FOXP4: variants seen among roughly 807,000 people sequenced by gnomAD.
FOXP4 encodes forkhead box protein P4.
A neutral mutation model predicts 82.6 loss-of-function variants in FOXP4; 25 were observed. That is an observed-to-expected ratio of 0.30 (90% CI 0.22 to 0.42). The LOEUF (loss-of-function observed/expected upper bound fraction) is 0.42, where lower values mean the gene tolerates loss of function less well. FOXP4 is among the 10% of genes least tolerant of loss of function. FOXP4 has a pLI of 1.00. For missense variants in FOXP4, 785 were observed against 900.9 expected, an observed-to-expected ratio of 0.87 and a Z score of 1.65; for synonymous variants, 415 against 388.2, an observed-to-expected ratio of 1.07 and a Z score of -0.81.
chr6:41,576,416 C>A (rs1469431154), intron 2 of FOXP4, among the ~76,000 whole-genome samples: 2 of 152,156 alleles, frequency 1.3e-5, no homozygotes, highest in Admixed American at 1.3e-4. Context: ...ACTCTCTTTG[C>A]TTGTTGAGCG....
At chr6:41,584,303 A>G (rs1019355869) in intron 3 of FOXP4, among the ~76,000 whole-genome samples, 1 of 152,172 alleles carries the variant, frequency 6.6e-6, no homozygotes, top group Non-Finnish European at 1.5e-5. Flanking sequence ...AGCCAGGCCT[A>G]CCTTGCAGGA....
chr6:41,590,280 A>G lies in FOXP4; in HGVS notation c.1367A>G (p.Gln456Arg). 1.2e-6 allele frequency: 2 copies of G among 1,614,038 alleles called. No individual in the cohort carries two copies. Among genetic ancestry groups the G allele is most frequent in the Non-Finnish European group, 1.7e-6 (2 of 1,179,982 alleles). Reference protein sequence around the residue: ...FCSPISSELAQNHEFYKNADV... With the variant: ...FCSPISSELARNHEFYKNADV... Reference sequence around the variant, plus strand: ...CTGCCTGTCTCCCCAGAGCTGGCCCAGAATCATGAGTTCTACAAGAACGCC... The same window carrying G: ...CTGCCTGTCTCCCCAGAGCTGGCCCGGAATCATGAGTTCTACAAGAACGCC... The change falls in exon 12 of 17, where the codon CAG becomes CGG. Residue 456 changes from glutamine to arginine, a missense_variant. This residue lies in a region of FOXP4 where 570 missense variants were observed against 634.0 expected (regional missense o/e 0.90). Coordinates refer to ENST00000307972, the MANE Select transcript of FOXP4 (RefSeq NM_001012426.2).
intron 1 of FOXP4, among the ~76,000 whole-genome samples, chr6:41,556,899 C>A (rs1050963963): frequency 6.6e-6 from 1 of 152,298 alleles, no homozygotes; most frequent in Non-Finnish European, 1.5e-5. Flanking sequence ...CTGAAGAGTG[C>A]GATTTAATTG....
chr6:41,594,131 T>C (rs1766681227), intron 13 of FOXP4, among the ~76,000 whole-genome samples: 1 of 152,142 alleles, frequency 6.6e-6, no homozygotes, highest in Admixed American at 6.5e-5. Context: ...CGCCCAAGCG[T>C]CCTACAAACC....
At position 41,587,373 on chromosome 6, in the gene FOXP4, G is replaced by A. The variant is rs199908081; in HGVS notation, c.733G>A (p.Val245Ile). ...CCCCGGGCAGCCTGCCGAGGACAGC[G>A]TCAAGCAGGAGGGGCTGGACCTCAC... ...GAPGQPAEDSVKQEGLDLTGT... is the reference protein window; with the variant it reads ...GAPGQPAEDSIKQEGLDLTGT... The change falls in exon 7 of 17, where the codon GTC becomes ATC. Residue 245 changes from valine (V) to isoleucine (I), a missense_variant. Val to Ile is a conservative substitution (Grantham distance 29). Transcript: ENST00000307972. 4.3e-5 allele frequency: 69 copies of A among 1,606,396 alleles called. No homozygotes were observed. Among genetic ancestry groups the A allele is most frequent in the South Asian group, 1.1e-4 (10 of 89,786 alleles).
intron 3 of FOXP4, among the ~76,000 whole-genome samples, chr6:41,582,183 C>G (rs1765838235): frequency 6.6e-6 from 1 of 152,248 alleles, no homozygotes; most frequent in Admixed American, 6.5e-5. Flanking sequence ...GTCACTTTCA[C>G]CCCTGCTCCC....
intron 2 of FOXP4, among the ~76,000 whole-genome samples, chr6:41,570,867 T>G (rs1336051179): frequency 6.6e-6 from 1 of 152,156 alleles, no homozygotes; most frequent in African/African-American, 2.4e-5. Context: ...GAACCCTCAG[T>G]GGGAGAGCTG....
chr6:41,561,874 G>T (rs1255084200), intron 1 of FOXP4, among the ~76,000 whole-genome samples: 1 of 152,206 alleles, frequency 6.6e-6, no homozygotes, highest in Non-Finnish European at 1.5e-5. Context: ...ATTCACAATG[G>T]TGTGTGGCTG....
At chr6:41,552,859 A>C (rs953483926) in intron 1 of FOXP4, among the ~76,000 whole-genome samples, 2 of 152,158 alleles carry the variant, frequency 1.3e-5, no homozygotes, top group Admixed American at 6.5e-5. Flanking sequence ...ACACGGGTAC[A>C]TGATGAGGGT....
intron 3 of FOXP4, among the ~76,000 whole-genome samples, chr6:41,581,920 A>T (rs1176223189): frequency 6.6e-6 from 1 of 152,180 alleles, no homozygotes; most frequent in African/African-American, 2.4e-5. Context: ...TCAGTGACTC[A>T]CAGTCCTGGT....
At chr6:41,594,529 C>T (rs908099371) in intron 13 of FOXP4, among the ~76,000 whole-genome samples, 1 of 152,280 alleles carries the variant, frequency 6.6e-6, no homozygotes, top group Non-Finnish European at 1.5e-5. Flanking sequence ...GTAACAATTA[C>T]ATGTGTCTTT....
rs1377381465 is a variant in FOXP4, at chr6:41,599,748, G to GGCC, written c.*813_*815dup. The GGCC allele has an allele frequency of 3.3e-5, 5 of 152,568 alleles. No homozygotes were observed. In the East Asian group the frequency reaches 9.7e-4, roughly 30 times the overall value. 9.5% of individuals were successfully genotyped at this position (152,568 alleles called of 1,614,324 possible). A position where few individuals can be genotyped will look rare whatever the true frequency, so the allele number is the denominator to read the frequency against. ...AAGCTCTCCCTGAGGCCAGAGGCGGGGCCTGGGCCGGGAGCCCAGGGGAAG... is the reference window on the plus strand; with the variant it reads ...AAGCTCTCCCTGAGGCCAGAGGCGGGGCCGCCTGGGCCGGGAGCCCAGGGGAAG... On this transcript the variant is annotated 3_prime_UTR_variant, in exon 17 of 17. Transcript: ENST00000307972.
intron 1 of FOXP4, among the ~76,000 whole-genome samples, chr6:41,563,811 C>T (rs146440764): frequency 4.0e-4 from 61 of 152,314 alleles, no homozygotes; most frequent in African/African-American, 1.3e-3. Flanking sequence ...ATTCAATCCA[C>T]CACAGATGGA....
In FOXP4 at chr6:41,579,563, G is replaced by GGT. The variant is rs1477793026; in HGVS notation, c.300+1483_300+1484dup. Among the ~76,000 whole-genome samples, 4 of 152,202 alleles carry GGT rather than the reference G, an allele frequency of 2.6e-5. No individual in the cohort carries two copies. In the East Asian group the frequency reaches 7.7e-4, roughly 29 times the overall value. On this transcript the variant is annotated intron_variant, in intron 3 of 16. Transcript: ENST00000307972. ...GCTTGATGGTAGTGGGAGGGACTGG[G>GGT]GTAAGACATCTAGAAGGACTGCTCA...
intron 15 of FOXP4, among the ~76,000 whole-genome samples, chr6:41,597,576 G>C (rs1043476979): frequency 6.6e-6 from 1 of 152,116 alleles, no homozygotes; most frequent in East Asian, 1.9e-4. Flanking sequence ...GTAGGAGGTC[G>C]GGGGGTCAGA....
At position 41,587,431 on chromosome 6, in the gene FOXP4, C is replaced by T. The variant is rs530916537; in HGVS notation, c.791C>T (p.Ala264Val). 7.6e-6 allele frequency: 12 copies of T among 1,575,840 alleles called. No individual in the cohort carries two copies. The South Asian group carries it at 1.4e-4, about 19-fold the overall frequency. Residue 264 changes from alanine (A) to valine (V), a missense_variant, in exon 7 of 17, where the codon GCT (alanine) becomes GTT (valine). This residue lies in a region of FOXP4 where 570 missense variants were observed against 634.0 expected (regional missense o/e 0.90). Coordinates refer to ENST00000307972, the MANE Select transcript of FOXP4 (RefSeq NM_001012426.2). ...GCCGCCACCGCTACCTCGTTTGCCG[C>T]TCCCCCCAAGGTCTCACCCCCCCTC... Reference protein sequence around the residue: ...GTAATATSFAAPPKVSPPLSH... With the variant: ...GTAATATSFAVPPKVSPPLSH...
At chr6:41,562,609 AG>A (rs1764649333) in intron 1 of FOXP4, among the ~76,000 whole-genome samples, 1 of 152,140 alleles carries the variant, frequency 6.6e-6, no homozygotes, top group Non-Finnish European at 1.5e-5. Context: ...GAGTGTTGGA[AG>A]GGGGCCACTC....
intron 14 of FOXP4, among the ~76,000 whole-genome samples, chr6:41,595,512 C>G (rs2127405909): frequency 6.6e-6 from 1 of 152,202 alleles, no homozygotes; most frequent in East Asian, 1.9e-4. Context: ...AGGTCTCTGC[C>G]CTCCTGGTCT....
At chr6:41,597,757 A>G in intron 15 of FOXP4, 24 bp from the exon 16 acceptor site, 1 of 1,601,626 alleles carries the variant, frequency 6.2e-7, no homozygotes. Context: ...GCCACTGACG[A>G]GGCCCAACCC....
Sources: gnomAD v4.1 joint callset for allele counts (sites outside exome capture counted in the v4.1 genomes callset) on GRCh38, gnomAD v4.1.1 for gene constraint, gnomAD v4.1.1 regional missense constraint, MANE v1.5 for transcripts, NCBI Gene and HGNC (gene_info 2026-07-23, HGNC 2026-07-21) for gene names.